LPP: variants seen among roughly 807,000 people sequenced by gnomAD.
LPP encodes LIM domain containing preferred translocation partner in lipoma.
In LPP, 38 loss-of-function variants were observed where a neutral mutation model predicts 60.4. The observed-to-expected ratio is 0.63, with a 90% CI of 0.49 to 0.83. LPP has a LOEUF of 0.83. Among genes scored for constraint, LPP ranks in the 40% least tolerant of loss-of-function variants. The pLI, the probability that LPP is intolerant of heterozygous loss-of-function variation, is 0.00. For missense variants in LPP, 902 were observed against 783.6 expected (o/e 1.15, Z -1.80); for synonymous variants, 328 against 290.8 (o/e 1.13, Z -1.30).
intron 6 of LPP, among the ~76,000 whole-genome samples, chr3:188,604,075 T>C (rs561487305): frequency 3.0e-4 from 46 of 152,272 alleles, no homozygotes; most frequent in African/African-American, 1.1e-3. Flanking sequence ...ATTGGAAAAT[T>C]TTCTAAGTAG....
At chr3:188,874,248 C>T (rs1768949952) in intron 11 of LPP, 103 bp from the exon 12 acceptor site, 1 of 1,071,526 alleles carries the variant, frequency 9.3e-7, no homozygotes, top group Admixed American at 2.3e-5. Context: ...TAGTAAGTGG[C>T]CACATTATGG....
At chr3:188,696,868 G>C (rs1314504959) in intron 7 of LPP, among the ~76,000 whole-genome samples, 2 of 152,064 alleles carry the variant, frequency 1.3e-5, no homozygotes, top group African/African-American at 2.4e-5. Context: ...CACTCATTTT[G>C]ATGACTGCTT....
chr3:188,697,663 C>A (rs1863545810), intron 7 of LPP, among the ~76,000 whole-genome samples: 1 of 152,054 alleles, frequency 6.6e-6, no homozygotes, highest in Non-Finnish European at 1.5e-5. Flanking sequence ...AAGAGCTATC[C>A]ATTTTTATAA....
chr3:188,846,731 A>G (rs1429454128), intron 9 of LPP, among the ~76,000 whole-genome samples: 1 of 151,702 alleles, frequency 6.6e-6, no homozygotes, highest in Non-Finnish European at 1.5e-5. Context: ...TTACATGTAG[A>G]GAACTGTAAG....
chr3:188,203,426 A>AATATAAATATATATTTATATAAATAT (rs1560106925), intron 1 of LPP, among the ~76,000 whole-genome samples: 38 of 91,110 alleles, frequency 4.2e-4, no homozygotes, highest in African/African-American at 1.1e-3. Context: ...ATATAATATA[A>AATATAAATATATATTTATATAAATAT]ATATAAATAT....
chr3:188,833,964 C>T (rs1271810103), intron 9 of LPP, among the ~76,000 whole-genome samples: 1 of 152,114 alleles, frequency 6.6e-6, no homozygotes, highest in Non-Finnish European at 1.5e-5. Flanking sequence ...ATTAAAGCAT[C>T]CCCATTTTAT....
intron 9 of LPP, among the ~76,000 whole-genome samples, chr3:188,826,388 C>A (rs890400971): frequency 6.6e-6 from 1 of 152,146 alleles, no homozygotes; most frequent in Non-Finnish European, 1.5e-5. Context: ...AGGGTCTCAT[C>A]TGGAAAGTTC....
In LPP at chr3:188,198,675, A is replaced by T. The variant is rs192336962; in HGVS notation, c.-189-26730A>T. Among the ~76,000 whole-genome samples, 51 of 152,290 alleles carry T rather than the reference A, an allele frequency of 3.3e-4. 1 individual carries two copies. In the East Asian group the frequency reaches 9.1e-3, roughly 27 times the overall value. On this transcript the variant is annotated intron_variant, in intron 1 of 11. Coordinates refer to ENST00000617246, the MANE Select transcript of LPP (RefSeq NM_001375462.1). ...AGAGCGACTGGGGCTGTTGGGTCCC[A>T]TGTTTATGTTGATTCATTTGCATTC...
At chr3:188,709,771 G>C (rs1344853829) in intron 8 of LPP, 4 of 152,186 alleles carry the variant, frequency 2.6e-5, no homozygotes, top group Non-Finnish European at 5.9e-5. Context: ...TGTGGTAGAA[G>C]ACCATTTTCC....
rs33982362 is a variant in LPP, at chr3:188,800,246, C to CTTTTT, written c.1410+39977_1410+39981dup. Reference sequence around the variant, plus strand: ...TATCTTCATGAAATGTTGAAGCTTTCTTTTTTTTTTTTTTTTTGAGATGGA... The same window carrying CTTTTT: ...TATCTTCATGAAATGTTGAAGCTTTCTTTTTTTTTTTTTTTTTTTTTTGAGATGGA... On this transcript the variant is annotated intron_variant, in intron 9 of 11. Transcript: ENST00000617246. Among the ~76,000 whole-genome samples, 123 of 97,296 alleles carry CTTTTT rather than the reference C, an allele frequency of 1.3e-3. 5 individuals carry two copies. The highest frequency in any genetic ancestry group is 1.9e-3 in the Non-Finnish European group (101 of 53,242). The allele number at this position is 97,296 out of a possible 152,430, so 63.8% of individuals were successfully genotyped here.
intron 6 of LPP, among the ~76,000 whole-genome samples, chr3:188,569,455 A>T (rs1833002438): frequency 6.6e-6 from 1 of 152,064 alleles, no homozygotes; most frequent in Admixed American, 6.6e-5. Flanking sequence ...AAAGAATTTT[A>T]TGTAGAATTC....
chr3:188,707,426 G>GC lies in LPP; in HGVS notation c.1114-837dup, dbSNP rs79574308. 5.5e-4 allele frequency among the ~76,000 whole-genome samples: 84 copies of GC among 152,254 alleles called. No individual in the cohort carries two copies. In the East Asian group the frequency reaches 0.013, roughly 24 times the overall value. ...CCCTGCCCAACCTGGCCGCGCCAAA[G>GC]CCCCAAAGTCCATCATTTTGCTCTG... On this transcript the variant is annotated intron_variant, in intron 7 of 11. Coordinates refer to ENST00000617246, the MANE Select transcript of LPP (RefSeq NM_001375462.1).
intron 7 of LPP, among the ~76,000 whole-genome samples, chr3:188,642,255 A>G (rs17669928): frequency 0.12 from 18,282 of 152,182 alleles, 1,215 homozygotes; most frequent in South Asian, 0.17. Flanking sequence ...TAGACATTGG[A>G]CAGTGACTCA....
rs149440426 is a variant in LPP, at chr3:188,227,462, C to T, written c.-67+1935C>T. 4.6e-5 allele frequency among the ~76,000 whole-genome samples: 7 copies of T among 151,492 alleles called. No homozygotes were observed. In the East Asian group the frequency reaches 1.4e-3, roughly 30 times the overall value. On this transcript the variant is annotated intron_variant, in intron 2 of 11. Coordinates refer to ENST00000617246, the MANE Select transcript of LPP (RefSeq NM_001375462.1). ...CTTAGAAGTTTTTGTTGTTCATAAGCTAAATATGAGCCAACAGTGGCTTTT... is the reference window on the plus strand; with the variant it reads ...CTTAGAAGTTTTTGTTGTTCATAAGTTAAATATGAGCCAACAGTGGCTTTT...
intron 7 of LPP, among the ~76,000 whole-genome samples, chr3:188,625,701 T>A (rs1002055979): frequency 6.6e-6 from 1 of 152,196 alleles, no homozygotes; most frequent in Non-Finnish European, 1.5e-5. Flanking sequence ...TTTAGATTGA[T>A]AAACATGAAA....
chr3:188,203,419 TAATATA>T (rs1393442332), intron 1 of LPP, among the ~76,000 whole-genome samples: 4 of 52,300 alleles, frequency 7.6e-5, no homozygotes, highest in South Asian at 8.7e-4. Context: ...AATATATATA[TAATATA>T]AATATAAATA....
chr3:188,688,820 C>T (rs1277515368), intron 7 of LPP: 1 of 525,136 alleles, frequency 1.9e-6, no homozygotes, highest in Non-Finnish European at 3.9e-6. Flanking sequence ...ATTGAGTTAC[C>T]TTTCTGACTT....
At chr3:188,649,740 A>G (rs1851737405) in intron 7 of LPP, among the ~76,000 whole-genome samples, 1 of 152,174 alleles carries the variant, frequency 6.6e-6, no homozygotes, top group Admixed American at 6.5e-5. Context: ...AGATGAAACA[A>G]CTATAATTCC....
chr3:188,647,284 G>A (rs1851278641), intron 7 of LPP, among the ~76,000 whole-genome samples: 1 of 152,186 alleles, frequency 6.6e-6, no homozygotes, highest in South Asian at 2.1e-4. Context: ...CACTGTATCC[G>A]GGGGCCTGGC....
Sources: allele counts gnomAD v4.1 joint callset (sites outside exome capture counted in the v4.1 genomes callset), GRCh38; gene constraint gnomAD v4.1.1; transcripts MANE v1.5; gene names NCBI Gene and HGNC (gene_info 2026-07-23, HGNC 2026-07-21).